Variants in SNAPC3 observed in about 807,000 individuals in gnomAD.
SNAPC3 encodes the protein snRNA-activating protein complex subunit 3.
SNAPC3 carries 56 observed loss-of-function variants against 47.7 expected under a neutral mutation model. The observed-to-expected ratio is 1.18, with a 90% confidence interval of 0.95 to 1.47. SNAPC3 has a LOEUF of 1.47. SNAPC3 is among the 40% of genes most tolerant of loss of function. The pLI is 0.00. For synonymous variants in SNAPC3, 235 were observed against 189.9 expected, an observed-to-expected ratio of 1.24 and a Z score of -1.95; for missense variants, 665 against 511.3, an observed-to-expected ratio of 1.30 and a Z score of -2.90.
chr9:15,427,786 G>T (rs542265938), intron 2 of SNAPC3, among the ~76,000 whole-genome samples: 1 of 152,136 alleles, frequency 6.6e-6, no homozygotes, highest in Non-Finnish European at 1.5e-5. Context: ...ACAGAGTCCT[G>T]CAAAAACAAA....
intron 2 of SNAPC3, among the ~76,000 whole-genome samples, chr9:15,424,657 C>A (rs1265488470): frequency 6.6e-6 from 1 of 152,132 alleles, no homozygotes; most frequent in Non-Finnish European, 1.5e-5. Context: ...ACAAATAGGT[C>A]ATAGATGAAT....
chr9:15,430,561 C>T (rs1207402095), intron 2 of SNAPC3, among the ~76,000 whole-genome samples: 4 of 151,916 alleles, frequency 2.6e-5, no homozygotes, highest in African/African-American at 7.3e-5. Flanking sequence ...ACTTTTTGTC[C>T]GAGCAATCCC....
At chr9:15,425,526 T>C (rs920659133) in intron 2 of SNAPC3, among the ~76,000 whole-genome samples, 1 of 152,154 alleles carries the variant, frequency 6.6e-6, no homozygotes, top group African/African-American at 2.4e-5. Context: ...CCCATACCAC[T>C]TTTTTAAAAG....
chr9:15,433,846 C>G lies in SNAPC3; in HGVS notation c.477+210C>G, dbSNP rs548860438. 45 of 383,506 alleles carry G rather than the reference C, an allele frequency of 1.2e-4. No individual in the cohort carries two copies. In the East Asian group the frequency reaches 1.8e-3, roughly 15 times the overall value. 23.8% of individuals were successfully genotyped at this position (383,506 alleles called of 1,614,324 possible). ...ATGTTTGACTTTTTCAGATCTCTGC[C>G]TTTATTCTTGTTTGGTTTTATCTTG... On this transcript the variant is annotated intron_variant, in intron 3 of 8. Transcript: ENST00000380821.
downstream of SNAPC3, chr9:15,464,366 A>G (rs2132018870): frequency 5.1e-6 from 1 of 194,986 alleles, no homozygotes; most frequent in South Asian, 1.9e-4. Context: ...GAAGTATCCT[A>G]CTTGCTGAGA....
At chr9:15,436,906 C>G (rs1234729080) in intron 3 of SNAPC3, among the ~76,000 whole-genome samples, 1 of 148,146 alleles carries the variant, frequency 6.8e-6, no homozygotes, top group Non-Finnish European at 1.5e-5. Flanking sequence ...TCACCGCAAC[C>G]TTCGCCTCCC....
intron 8 of SNAPC3, among the ~76,000 whole-genome samples, chr9:15,459,143 G>A (rs924700293): frequency 6.6e-6 from 1 of 152,162 alleles, no homozygotes; most frequent in Non-Finnish European, 1.5e-5. Flanking sequence ...TCCATGAGAT[G>A]CAGAATTCAA....
intron 3 of SNAPC3, among the ~76,000 whole-genome samples, chr9:15,441,287 G>C (rs1175475997): frequency 1.4e-5 from 2 of 145,042 alleles, no homozygotes; most frequent in African/African-American, 5.1e-5. Flanking sequence ...TCATGTAGTA[G>C]TTCTACTTTT....
downstream of SNAPC3, chr9:15,465,569 T>C (rs746939796): frequency 6.9e-6 from 11 of 1,585,060 alleles, no homozygotes; most frequent in Middle Eastern, 1.7e-4. Flanking sequence ...CTCTCTCTCT[T>C]CACTGGATGG....
downstream of SNAPC3, chr9:15,465,686 A>T: frequency 2.3e-6 from 2 of 879,382 alleles, no homozygotes; most frequent in Non-Finnish European, 3.4e-6. Flanking sequence ...AAAAGACTGA[A>T]ACCAACCAAA....
At chr9:15,454,067 T>C (rs991180660) in intron 7 of SNAPC3, among the ~76,000 whole-genome samples, 1 of 152,086 alleles carries the variant, frequency 6.6e-6, no homozygotes, top group South Asian at 2.1e-4. Context: ...AAACCCTCTC[T>C]ACAAAGAATA....
chr9:15,446,280 A>G (rs1245816768), intron 4 of SNAPC3, among the ~76,000 whole-genome samples: 2 of 152,130 alleles, frequency 1.3e-5, no homozygotes, highest in South Asian at 2.1e-4. Context: ...GCAGCAGTAC[A>G]ATCATGGCTC....
intron 7 of SNAPC3, 116 bp downstream of exon 7, chr9:15,453,321 T>G: frequency 1.3e-6 from 1 of 757,674 alleles, no homozygotes; most frequent in South Asian, 2.2e-5. Context: ...CATTGCAACT[T>G]GGCTTGGGAG....
intron 3 of SNAPC3, among the ~76,000 whole-genome samples, chr9:15,436,977 C>T (rs2131819264): frequency 6.6e-6 from 1 of 151,568 alleles, no homozygotes; most frequent in East Asian, 2.0e-4. Flanking sequence ...GTGCATGCCA[C>T]CATGCCCGGC....
At chr9:15,456,302 G>C (rs776724681) in intron 7 of SNAPC3, among the ~76,000 whole-genome samples, 4 of 151,652 alleles carry the variant, frequency 2.6e-5, no homozygotes, top group Non-Finnish European at 5.9e-5. Context: ...GAGCCACTGC[G>C]CCTGGCCTTT....
intron 2 of SNAPC3, among the ~76,000 whole-genome samples, chr9:15,430,696 G>A (rs1451676741): frequency 1.3e-5 from 2 of 152,118 alleles, no homozygotes; most frequent in Non-Finnish European, 2.9e-5. Context: ...GTTTGTAATT[G>A]CAAAATATTT....
At chr9:15,455,175 A>G (rs191139990) in intron 7 of SNAPC3, among the ~76,000 whole-genome samples, 1 of 152,336 alleles carries the variant, frequency 6.6e-6, no homozygotes, top group East Asian at 1.9e-4. Flanking sequence ...CTAGGGAAGA[A>G]GAATGGGGAG....
At position 15,460,815 on chromosome 9, in the gene SNAPC3, T is replaced by C. The variant is rs962737323; in HGVS notation, c.*949T>C. ...AATGAATTTAAAAAGATCTTGAGTA[T>C]ATACTCATAACTCCAGAAATAACAT... On this transcript the variant is annotated 3_prime_UTR_variant, in exon 9 of 9. Coordinates refer to ENST00000380821, the MANE Select transcript of SNAPC3 (RefSeq NM_001039697.2). 5 of 152,250 alleles carry C rather than the reference T, an allele frequency of 3.3e-5. No individual in the cohort carries two copies. Among genetic ancestry groups the C allele is most frequent in the African/African-American group, 1.2e-4 (5 of 41,468 alleles). The allele number at this position is 152,250 out of a possible 1,614,324, so 9.4% of individuals were successfully genotyped here.
intron 7 of SNAPC3, among the ~76,000 whole-genome samples, chr9:15,457,266 T>A (rs1363883899): frequency 6.6e-6 from 1 of 152,076 alleles, no homozygotes; most frequent in South Asian, 2.1e-4. Flanking sequence ...AAAATATCAC[T>A]GAGTAGCTTT....
Sources: gnomAD v4.1 joint callset for allele counts (sites outside exome capture counted in the v4.1 genomes callset) on GRCh38, gnomAD v4.1.1 for gene constraint, MANE v1.5 for transcripts, NCBI Gene and HGNC (gene_info 2026-07-23, HGNC 2026-07-21) for gene names.